The following AFTPH variants were observed in gnomAD, a reference collection of about 807,000 sequenced individuals.
AFTPH encodes the protein aftiphilin, also known as aftiphilin protein.
In AFTPH, 7 loss-of-function variants were observed where a neutral mutation model predicts 72.5. That is an observed-to-expected ratio of 0.10 (90% CI 0.05 to 0.18). The LOEUF is 0.18. AFTPH is among the 10% of genes least tolerant of loss of function. The pLI is 1.00. For synonymous variants in AFTPH, 337 were observed against 370.1 expected, an observed-to-expected ratio of 0.91 and a Z score of 1.03; for missense variants, 979 against 1,060.5, an observed-to-expected ratio of 0.92 and a Z score of 1.07.
chr2:64,547,143 T>G (rs1670691249), intron 1 of AFTPH, among the ~76,000 whole-genome samples: 1 of 151,836 alleles, frequency 6.6e-6, no homozygotes. Context: ...TGGACTCTGT[T>G]AAAGTAGATG....
chr2:64,574,988 A>G (rs1672675103), intron 6 of AFTPH, among the ~76,000 whole-genome samples: 1 of 152,228 alleles, frequency 6.6e-6, no homozygotes, highest in South Asian at 2.1e-4. Context: ...CATACTTGGT[A>G]CATTCACTGA....
chr2:64,524,789 T>G (rs890544370), intron 1 of AFTPH, among the ~76,000 whole-genome samples, 177 bp downstream of exon 1: 2 of 152,210 alleles, frequency 1.3e-5, no homozygotes, highest in African/African-American at 4.8e-5. Flanking sequence ...TGCTCTCTTC[T>G]GCGGCGAGTG....
chr2:64,553,228 G>C (rs776208566), exon 2 of AFTPH: 1 of 1,614,086 alleles, frequency 6.2e-7, no homozygotes, highest in South Asian at 1.1e-5. Context: ...AGTTGTTCTT[G>C]GGCTGCTTTT....
At chr2:64,580,412 T>C (rs1268745665) in intron 7 of AFTPH, 1 of 152,664 alleles carries the variant, frequency 6.6e-6, no homozygotes, top group East Asian at 1.9e-4. Flanking sequence ...AATATAGTGC[T>C]GAAGGAAAGC....
Position 64,572,934 on chromosome 2 carries a change from T to C in AFTPH, c.2272-12T>C. The C allele has an allele frequency of 1.9e-6, 3 of 1,614,012 alleles. No individual in the cohort carries two copies. The highest frequency in any genetic ancestry group is 1.7e-6 in the Non-Finnish European group (2 of 1,179,910). The stretch of plus-strand genomic sequence containing the variant: ...CCCCCATCCCCATTAAAGGCTAATA[T>C]TCCTTTTTCAGGGTATGTTAGAGCC... On this transcript the variant is annotated splice_polypyrimidine_tract_variant and intron_variant, in intron 5 of 8. Coordinates refer to ENST00000238856, the Ensembl canonical transcript of AFTPH.
At chr2:64,567,307 T>C (rs1672145837) in intron 2 of AFTPH, among the ~76,000 whole-genome samples, 1 of 152,198 alleles carries the variant, frequency 6.6e-6, no homozygotes, top group African/African-American at 2.4e-5. Context: ...AGATAATGCA[T>C]GTAAAGTAGC....
intron 1 of AFTPH, among the ~76,000 whole-genome samples, chr2:64,549,867 C>T (rs1460942518): frequency 6.6e-6 from 1 of 151,664 alleles, no homozygotes; most frequent in Non-Finnish European, 1.5e-5. Flanking sequence ...TTTTTTATTC[C>T]CTAAAAGTAG....
intron 2 of AFTPH, 84 bp from the exon 3 acceptor site, chr2:64,567,478 T>C (rs1440542343): frequency 2.8e-6 from 4 of 1,408,258 alleles, no homozygotes; most frequent in Non-Finnish European, 3.9e-6. Context: ...GGACAGGGTG[T>C]GCGTGTGTTT....
intron 7 of AFTPH, 74 bp downstream of exon 7, chr2:64,579,620 C>T: frequency 7.7e-7 from 1 of 1,303,806 alleles, no homozygotes; most frequent in Non-Finnish European, 1.1e-6. Context: ...AAACTTCTCT[C>T]TGCTGATTTC....
chr2:64,570,497 A>AT (rs1337282897), intron 5 of AFTPH, among the ~76,000 whole-genome samples: 4 of 152,062 alleles, frequency 2.6e-5, no homozygotes, highest in African/African-American at 9.7e-5. Flanking sequence ...GAACATTTTG[A>AT]TTTGTTTTGT....
At chr2:64,543,564 T>A (rs1670385517) in intron 1 of AFTPH, among the ~76,000 whole-genome samples, 1 of 152,172 alleles carries the variant, frequency 6.6e-6, no homozygotes. Flanking sequence ...GATGTTAGAA[T>A]CAGATATTTT....
chr2:64,585,295 C>G, intron 7 of AFTPH, 127 bp from the exon 9 acceptor site: 1 of 1,176,644 alleles, frequency 8.5e-7, no homozygotes, highest in South Asian at 1.3e-5. Context: ...TTGCAGTGTT[C>G]TAAAGATATG....
exon 7 of AFTPH, chr2:64,579,496 C>T (rs915443161): frequency 2.5e-6 from 4 of 1,613,548 alleles, no homozygotes; most frequent in Non-Finnish European, 2.5e-6. Flanking sequence ...GAGTCTCTAC[C>T]ACCCGTCCAG....
At chr2:64,545,059 T>G (rs139952211) in intron 1 of AFTPH, among the ~76,000 whole-genome samples, 2 of 152,174 alleles carry the variant, frequency 1.3e-5, no homozygotes, top group Non-Finnish European at 2.9e-5. Flanking sequence ...ATCTTTGTAT[T>G]TGCATTAATG....
At chr2:64,568,942 G>A (rs1323559396) in intron 3 of AFTPH, 150 bp from the exon 4 acceptor site, 2 of 841,020 alleles carry the variant, frequency 2.4e-6, no homozygotes, top group Admixed American at 4.0e-5. Context: ...TATAAGTATT[G>A]GCTCTTGATT....
At chr2:64,558,568 C>A (rs985905660) in intron 2 of AFTPH, among the ~76,000 whole-genome samples, 4 of 152,190 alleles carry the variant, frequency 2.6e-5, no homozygotes, top group African/African-American at 9.7e-5. Flanking sequence ...CATAGTGGTG[C>A]TGGGTAAAAT....
At chr2:64,548,615 G>A (rs72814013) in intron 1 of AFTPH, among the ~76,000 whole-genome samples, 6,069 of 152,108 alleles carry the variant, frequency 0.04, 155 homozygotes, top group South Asian at 0.099. Context: ...CACAAGCAAT[G>A]TGCATGTGTG....
chr2:64,564,236 A>G (rs541567000), intron 2 of AFTPH, among the ~76,000 whole-genome samples: 11 of 152,314 alleles, frequency 7.2e-5, no homozygotes, highest in African/African-American at 2.6e-4. Context: ...AGAATGCTAA[A>G]TCATGGTAGA....
intron 6 of AFTPH, among the ~76,000 whole-genome samples, chr2:64,574,311 G>C (rs1672639160): frequency 6.6e-6 from 1 of 152,146 alleles, no homozygotes; most frequent in African/African-American, 2.4e-5. Context: ...AATCCCCAGA[G>C]GTGGTCCACT....
Sources: gnomAD v4.1 joint callset for allele counts (sites outside exome capture counted in the v4.1 genomes callset) on GRCh38, gnomAD v4.1.1 for gene constraint, MANE v1.5 for transcripts, NCBI Gene and HGNC (gene_info 2026-07-23, HGNC 2026-07-21) for gene names.